SLC2A5: variants seen among roughly 807,000 people sequenced by gnomAD.
SLC2A5 encodes the protein solute carrier family 2 member 5.
Under a neutral mutation model 50.3 loss-of-function variants are expected in SLC2A5, and 56 were observed. The ratio of observed to expected loss-of-function variants is 1.11; its 90% CI spans 0.90 to 1.39. SLC2A5 has a LOEUF of 1.39. Ranked by LOEUF, SLC2A5 falls within the 40% of genes most tolerant of loss-of-function variation. The pLI is 0.00. For missense variants in SLC2A5, 566 were observed against 650.1 expected (o/e 0.87, Z 1.41); for synonymous variants, 269 against 281.9 (o/e 0.95, Z 0.46).
intron 1 of SLC2A5, among the ~76,000 whole-genome samples, chr1:9,064,138 A>C (rs913753162): frequency 6.6e-6 from 1 of 152,092 alleles, no homozygotes; most frequent in Non-Finnish European, 1.5e-5. Context: ...GGGCCTGTGT[A>C]CTTTAGAGGG....
chr1:9,082,331 GCC>G (rs1642364083), intron 2 of SLC2A5, among the ~76,000 whole-genome samples: 2 of 152,158 alleles, frequency 1.3e-5, no homozygotes, highest in Non-Finnish European at 2.9e-5. Flanking sequence ...TATTTACATA[GCC>G]AAAAGGGGGA....
intron 1 of SLC2A5, among the ~76,000 whole-genome samples, chr1:9,059,776 C>T (rs1236729083): frequency 6.6e-6 from 1 of 151,736 alleles, no homozygotes; most frequent in Non-Finnish European, 1.5e-5. Flanking sequence ...TCAAGCGATC[C>T]TCCTGCCTCA....
upstream of SLC2A5, among the ~76,000 whole-genome samples, chr1:9,089,390 C>T (rs1033491510): frequency 4.6e-5 from 7 of 152,176 alleles, no homozygotes; most frequent in African/African-American, 1.7e-4. Flanking sequence ...TCAAACTTTT[C>T]ACCACCTTCA....
At chr1:9,076,977 T>C (rs894933793) in intron 2 of SLC2A5, among the ~76,000 whole-genome samples, 1 of 151,622 alleles carries the variant, frequency 6.6e-6, no homozygotes, top group Non-Finnish European at 1.5e-5. Flanking sequence ...TTAGTAGAGA[T>C]AGGGTTTCAC....
chr1:9,053,456 T>C (rs1310007280), intron 3 of SLC2A5, among the ~76,000 whole-genome samples: 2 of 24,960 alleles, frequency 8.0e-5, no homozygotes, highest in Admixed American at 6.9e-4. Context: ...TATATATTTA[T>C]ATATATTATA....
intron 1 of SLC2A5, 31 bp from the exon 2 acceptor site, chr1:9,058,281 A>T: frequency 6.5e-7 from 1 of 1,531,352 alleles, no homozygotes; most frequent in Non-Finnish European, 9.1e-7. Flanking sequence ...GTCAGGAAGC[A>T]GCCCCAGGGT....
intron 2 of SLC2A5, among the ~76,000 whole-genome samples, chr1:9,078,344 T>C (rs1394738337): frequency 2.0e-5 from 3 of 152,180 alleles, no homozygotes; most frequent in Non-Finnish European, 4.4e-5. Context: ...TATTTCATCC[T>C]GTGACTAAGA....
intron 2 of SLC2A5, among the ~76,000 whole-genome samples, chr1:9,083,627 G>A (rs989410814): frequency 3.5e-4 from 53 of 151,524 alleles, no homozygotes; most frequent in Admixed American, 3.2e-3. Context: ...GTTCAAGACC[G>A]GCCTGGCCAA....
At chr1:9,044,850 C>G (rs183356282) in intron 4 of SLC2A5, among the ~76,000 whole-genome samples, 7 of 152,120 alleles carry the variant, frequency 4.6e-5, no homozygotes, top group Non-Finnish European at 1.0e-4. Flanking sequence ...CCACTGCACC[C>G]GGCCATATGC....
In SLC2A5 at chr1:9,069,549, A is replaced by G; in HGVS notation, c.-13T>C. The G allele has an allele frequency of 6.2e-7, 1 of 1,614,064 alleles. No individual in the cohort carries two copies. Among genetic ancestry groups the G allele is most frequent in the Non-Finnish European group, 8.5e-7 (1 of 1,179,998 alleles). On this transcript the variant is annotated 5_prime_UTR_variant, in exon 1 of 12. Coordinates refer to ENST00000377424, the MANE Select transcript of SLC2A5 (RefSeq NM_003039.3). ...CCTGTTGCTCCATGCTTGCTCTGGA[A>G]GGGCAGAGTGCCGCTCACCTCCTTT...
chr1:9,074,946 C>G (rs1044854940), intron 2 of SLC2A5, among the ~76,000 whole-genome samples: 3 of 151,864 alleles, frequency 2.0e-5, no homozygotes, highest in Non-Finnish European at 2.9e-5. Flanking sequence ...TTGCTTGAGC[C>G]AGGAACTTCA....
At chr1:9,084,500 C>T (rs1345248352) in intron 2 of SLC2A5, among the ~76,000 whole-genome samples, 3 of 152,228 alleles carry the variant, frequency 2.0e-5, no homozygotes, top group South Asian at 2.1e-4. Context: ...GTCCCACTGG[C>T]GTTTGGGGAC....
intron 1 of SLC2A5, among the ~76,000 whole-genome samples, chr1:9,062,699 C>T (rs1199712095): frequency 6.6e-6 from 1 of 152,104 alleles, no homozygotes; most frequent in Admixed American, 6.5e-5. Flanking sequence ...TGGTGAAACC[C>T]CATCTGTACT....
chr1:9,041,140 G>A (rs968004448), intron 5 of SLC2A5: 8 of 362,912 alleles, frequency 2.2e-5, no homozygotes, highest in African/African-American at 4.2e-5. Context: ...ACTTGCAGAC[G>A]GTGTGTAGAA....
rs771604933 is a variant in SLC2A5 at position 9,058,217 on chromosome 1, T to C, written c.67A>G (p.Ile23Val). The C allele has an allele frequency of 1.2e-6, 2 of 1,614,094 alleles. No homozygotes were observed. The highest frequency in any genetic ancestry group is 2.2e-5 in the South Asian group (2 of 91,084). The change falls in exon 2 of 12, where the codon ATA (isoleucine) becomes GTA (valine). Residue 23 changes from isoleucine (I) to valine (V), a missense_variant. By Grantham distance (29) the Ile-to-Val change is conservative. Transcript: ENST00000377424. Reference protein sequence around the residue: ...LTLVLALATLIAAFGSSFQYG... With the variant: ...LTLVLALATLVAAFGSSFQYG... ...TGGAAGGATGACCCAAAGGCAGCTA[T>C]CAGGGTTGCCAGGGCAAGCACAAGC...
intron 1 of SLC2A5, among the ~76,000 whole-genome samples, chr1:9,060,386 G>A (rs1207334181): frequency 3.1e-5 from 3 of 96,300 alleles, no homozygotes; most frequent in African/African-American, 1.3e-4. Flanking sequence ...ACGCACACAT[G>A]CCCCCTACAT....
At chr1:9,038,767 G>A (rs1641211046) in intron 9 of SLC2A5, 61 bp downstream of exon 9, 4 of 1,505,380 alleles carry the variant, frequency 2.7e-6, no homozygotes. Context: ...GGCGCAGGAT[G>A]GGAGGGGCAC....
chr1:9,062,469 C>G (rs1053300226), intron 1 of SLC2A5, among the ~76,000 whole-genome samples: 1 of 152,096 alleles, frequency 6.6e-6, no homozygotes, highest in Non-Finnish European at 1.5e-5. Context: ...GAGGGCAAAC[C>G]GGGGTGAGGG....
At chr1:9,048,003 A>G (rs1410192862) in intron 3 of SLC2A5, among the ~76,000 whole-genome samples, 1 of 152,208 alleles carries the variant, frequency 6.6e-6, no homozygotes, top group East Asian at 1.9e-4. Context: ...AAGATATAGT[A>G]AAGGGTTTTT....
Sources: gnomAD v4.1 joint callset for allele counts (sites outside exome capture counted in the v4.1 genomes callset) on GRCh38, gnomAD v4.1.1 for gene constraint, MANE v1.5 for transcripts, NCBI Gene and HGNC (gene_info 2026-07-23, HGNC 2026-07-21) for gene names.